F11: variants seen among roughly 807,000 people sequenced by gnomAD.
F11 encodes coagulation factor XI.
A neutral mutation model predicts 76.5 loss-of-function variants in F11; 78 were observed. The ratio of observed to expected loss-of-function variants is 1.02; its 90% confidence interval spans 0.85 to 1.23. The LOEUF (loss-of-function observed/expected upper bound fraction) is 1.23. Among genes scored for constraint, F11 ranks in the 50% most tolerant of loss-of-function variants. F11 has a pLI of 0.00. For missense variants in F11, 742 were observed against 771.4 expected (o/e 0.96, Z 0.45); for synonymous variants, 278 against 276.3 (o/e 1.01, Z -0.06).
At chr4:186,282,371 C>G in intron 10 of F11, 2 of 985,326 alleles carry the variant, frequency 2.0e-6, no homozygotes, top group Non-Finnish European at 1.2e-6. Context: ...AATTAGATAA[C>G]TAGGTTTTTA....
At chr4:186,274,880 A>G (rs746866587) in intron 5 of F11, 2 of 175,456 alleles carry the variant, frequency 1.1e-5, no homozygotes, top group South Asian at 2.6e-4. Flanking sequence ...AGTAAACTGC[A>G]TTTATCTGGA....
At chr4:186,274,414 T>G (rs1217175324) in intron 5 of F11, 139 bp downstream of exon 5, 3 of 1,084,178 alleles carry the variant, frequency 2.8e-6, no homozygotes, top group Admixed American at 2.0e-5. Context: ...CCTAGTTTTC[T>G]TCATGAAAAA....
intron 4 of F11, 80 bp from the exon 5 acceptor site, chr4:186,274,036 G>A: frequency 6.5e-7 from 1 of 1,527,072 alleles, no homozygotes; most frequent in East Asian, 2.3e-5. Context: ...AAGTTGAAAG[G>A]ATGAGTCAGG....
chr4:186,272,969 G>C (rs1024680274), intron 3 of F11, 102 bp from the exon 4 acceptor site: 21 of 763,704 alleles, frequency 2.7e-5, no homozygotes, highest in Middle Eastern at 3.5e-4. Context: ...AGATAAAGTA[G>C]TTTGTTTCCT....
In F11 at chr4:186,280,424, G is replaced by A. The variant is rs189741851; in HGVS notation, c.1028+39G>A. On this transcript the variant is annotated intron_variant, in intron 9 of 14. Transcript: ENST00000403665. The stretch of plus-strand genomic sequence containing the variant: ...AGGGTTATGCAGACACCCTTGTCCC[G>A]TCTGCCTGTGAGGTGCATTATGTTT... The A allele has an allele frequency of 4.6e-4, 736 of 1,614,132 alleles. 5 individuals carry two copies. Among genetic ancestry groups the A allele is most frequent in the Admixed American group, 5.8e-4 (35 of 60,026 alleles).
At chr4:186,290,372 C>A (rs1054130419), downstream of F11, among the ~76,000 whole-genome samples, 1 of 152,104 alleles carries the variant, frequency 6.6e-6, no homozygotes, top group African/African-American at 2.4e-5. Flanking sequence ...GGGCCAGATC[C>A]AAAATGCTGA....
At chr4:186,281,202 G>A (rs1227741513) in intron 10 of F11, among the ~76,000 whole-genome samples, 1 of 152,156 alleles carries the variant, frequency 6.6e-6, no homozygotes, top group East Asian at 1.9e-4. Context: ...CAACACTCCT[G>A]TTATCAAGGC....
At chr4:186,268,811 G>A (rs1024770331) in intron 2 of F11, among the ~76,000 whole-genome samples, 3 of 152,082 alleles carry the variant, frequency 2.0e-5, no homozygotes, top group African/African-American at 7.2e-5. Context: ...GAGATCAAAT[G>A]TATAGATTTA....
rs1739492775 is a variant in F11, at chr4:186,266,296, G to A, written c.-2+1G>A. 1 of 152,140 alleles carries A rather than the reference G, an allele frequency of 6.6e-6. No homozygotes were observed. The allele number at this position is 152,140 out of a possible 1,614,324, so 9.4% of individuals were successfully genotyped here. On this transcript the variant is annotated splice_donor_variant, in intron 1 of 14. Coordinates refer to ENST00000403665, the MANE Select transcript of F11 (RefSeq NM_000128.4). LOFTEE classifies it low-confidence loss of function (5UTR_SPLICE). ...AAGTAAGCCAACAAGGTCTTTTCAGGTACAGTTTCAGAACTTACTATTTAA... is the reference window on the plus strand; with the variant it reads ...AAGTAAGCCAACAAGGTCTTTTCAGATACAGTTTCAGAACTTACTATTTAA...
chr4:186,267,219 G>T (rs1485435426), intron 2 of F11, 28 bp downstream of exon 2: 10 of 1,350,576 alleles, frequency 7.4e-6, no homozygotes, highest in East Asian at 2.3e-5. Flanking sequence ...TTAACTATGG[G>T]CTGGGAGAGG....
chr4:186,284,017 T>C lies in F11; in HGVS notation c.1136-75T>C, dbSNP rs1262979428. ...ATTGACTTGAGGAAAGGTTTTCTTCTTGTTCCTGAAGGAGCATAATTACTG... is the reference window on the plus strand; with the variant it reads ...ATTGACTTGAGGAAAGGTTTTCTTCCTGTTCCTGAAGGAGCATAATTACTG... On this transcript the variant is annotated intron_variant, in intron 10 of 14. Transcript: ENST00000403665. 41 of 1,610,740 alleles carry C rather than the reference T, an allele frequency of 2.5e-5. No individual in the cohort carries two copies. The East Asian group carries it at 8.9e-4, about 35-fold the overall frequency.
intron 5 of F11, chr4:186,275,293 C>A: frequency 2.5e-6 from 1 of 405,138 alleles, no homozygotes; most frequent in South Asian, 1.8e-5. Flanking sequence ...GAGTTCGACA[C>A]CAGCCTGACC....
intron 2 of F11, among the ~76,000 whole-genome samples, chr4:186,271,099 A>C (rs549934085): frequency 6.6e-6 from 1 of 152,246 alleles, no homozygotes; most frequent in South Asian, 2.1e-4. Context: ...TTCCACCAAA[A>C]GGTGGGGTTT....
At chr4:186,288,295 A>G (rs901850710) in intron 14 of F11, 158 bp from the exon 15 acceptor site, 14 of 823,170 alleles carry the variant, frequency 1.7e-5, no homozygotes, top group African/African-American at 1.5e-4. Flanking sequence ...AATCAAAAGC[A>G]AGGAGATTGA....
At chr4:186,275,994 C>A in intron 6 of F11, 98 bp downstream of exon 6, 1 of 1,080,140 alleles carries the variant, frequency 9.3e-7, no homozygotes, top group Non-Finnish European at 1.4e-6. Flanking sequence ...CACGATGAAA[C>A]GGACCCAAAG....
In F11 at chr4:186,273,149, T is replaced by G; in HGVS notation, c.297T>G (p.Ser99=). The G allele has an allele frequency of 6.2e-7, 1 of 1,613,820 alleles. No individual in the cohort carries two copies. The highest frequency in any genetic ancestry group is 8.5e-7 in the Non-Finnish European group (1 of 1,179,728). Reference sequence around the variant, plus strand: ...GGACAGCAGCGATTTCTGGGTATTCTTTCAAGCAATGCTCACACCAAATAA... The same window carrying G: ...GGACAGCAGCGATTTCTGGGTATTCGTTCAAGCAATGCTCACACCAAATAA... ...VNRTAAISGY[S]FKQCSHQISA... The change falls in exon 4 of 15, where the codon TCT becomes TCG. Residue 99 remains serine (S), a synonymous_variant. Coordinates refer to ENST00000403665, the MANE Select transcript of F11 (RefSeq NM_000128.4).
intron 2 of F11, among the ~76,000 whole-genome samples, chr4:186,267,429 C>A (rs985349144): frequency 6.6e-6 from 1 of 152,172 alleles, no homozygotes; most frequent in Non-Finnish European, 1.5e-5. Context: ...TGCCTACATA[C>A]ATCATTCATT....
chr4:186,275,959 C>A, intron 6 of F11, 63 bp downstream of exon 6: 1 of 1,309,824 alleles, frequency 7.6e-7, no homozygotes, highest in Non-Finnish European at 1.1e-6. Context: ...TACAGTAGAT[C>A]TCACTCAGGA....
Position 186,284,220 on chromosome 4 carries a change from G to T in F11, c.1264G>T (p.Gly422Ter). Residue 422 changes from glycine to a stop codon, truncating the protein, a stop_gained, in exon 11 of 15, where the codon GGA (glycine) becomes TGA (stop). Transcript: ENST00000403665. LOFTEE classifies it high-confidence loss of function. The part of the protein sequence containing the change: ...QRHLCGGSII[G>*]NQWILTAAHC... Reference sequence around the variant, plus strand: ...ACACCTGTGTGGAGGCTCCATCATTGGAAACCAGTGGATATTAACAGCCGC... The same window carrying T: ...ACACCTGTGTGGAGGCTCCATCATTTGAAACCAGTGGATATTAACAGCCGC... 1 of 1,614,190 alleles carries T rather than the reference G, an allele frequency of 6.2e-7. No individual in the cohort carries two copies. The highest frequency in any genetic ancestry group is 1.7e-5 in the Admixed American group (1 of 60,026).
Sources: allele counts gnomAD v4.1 joint callset (sites outside exome capture counted in the v4.1 genomes callset), GRCh38; gene constraint gnomAD v4.1.1; transcripts MANE v1.5; gene names NCBI Gene and HGNC (gene_info 2026-07-23, HGNC 2026-07-21).